CCBE1: variants seen among roughly 807,000 people sequenced by gnomAD.
The protein encoded by CCBE1 is collagen and calcium binding EGF domains 1.
In CCBE1, 37 loss-of-function variants were observed where a neutral mutation model predicts 50.0. That is an observed-to-expected ratio of 0.74 (90% CI 0.57 to 0.97). CCBE1 has a LOEUF of 0.97. CCBE1 is among the 50% of genes least tolerant of loss of function. The probability of loss-of-function intolerance (pLI) is 0.00; values close to 1 mark genes in which losing one functional copy is unlikely to be tolerated. For synonymous variants in CCBE1, 234 were observed against 203.7 expected, an observed-to-expected ratio of 1.15 and a Z score of -1.27; for missense variants, 538 against 523.8, an observed-to-expected ratio of 1.03 and a Z score of -0.26.
chr18:59,450,486 C>G (rs951088398), intron 6 of CCBE1, among the ~76,000 whole-genome samples: 1 of 152,120 alleles, frequency 6.6e-6, no homozygotes, highest in African/African-American at 2.4e-5. Flanking sequence ...CAGTCTGCTT[C>G]CAGAATCTGT....
intron 2 of CCBE1, among the ~76,000 whole-genome samples, chr18:59,689,164 C>T (rs1052045121): frequency 3.3e-5 from 5 of 152,214 alleles, no homozygotes; most frequent in Admixed American, 6.5e-5. Context: ...TAGACGCTAC[C>T]TGTTGAGAGC....
At chr18:59,563,068 C>A (rs747983416) in intron 2 of CCBE1, among the ~76,000 whole-genome samples, 1 of 152,180 alleles carries the variant, frequency 6.6e-6, no homozygotes, top group Non-Finnish European at 1.5e-5. Flanking sequence ...CACGATTAGA[C>A]TAGGACGACA....
At position 59,508,711 on chromosome 18, in the gene CCBE1, CTTTTTTTTTTTT is replaced by C. The variant is rs55881131; in HGVS notation, c.213-28485_213-28474del. ...AGCACAGTACACACATAGAGTTACG[CTTTTTTTTTTTT>C]TTTTTTTTTTGAGGCAGGGTCTTAC... On this transcript the variant is annotated intron_variant, in intron 2 of 10. Transcript: ENST00000439986. Among the ~76,000 whole-genome samples, 73 of 95,694 alleles carry C rather than the reference CTTTTTTTTTTTT, an allele frequency of 7.6e-4. 1 individual carries two copies. In the South Asian group the frequency reaches 0.017, roughly 22 times the overall value. The allele number at this position is 95,694 out of a possible 152,430, so 62.8% of individuals were successfully genotyped here. A position where few individuals can be genotyped will look rare whatever the true frequency, so the allele number is the denominator to read the frequency against.
At chr18:59,695,729 A>T (rs951998171) in intron 2 of CCBE1, among the ~76,000 whole-genome samples, 18 of 152,320 alleles carry the variant, frequency 1.2e-4, no homozygotes, top group African/African-American at 4.3e-4. Flanking sequence ...GTTACCTTGT[A>T]CTACTCAGTA....
intron 2 of CCBE1, among the ~76,000 whole-genome samples, chr18:59,674,569 G>A (rs1345467760): frequency 1.3e-5 from 2 of 152,128 alleles, no homozygotes; most frequent in Admixed American, 1.3e-4. Flanking sequence ...ATATACCTAT[G>A]TAACAAACCT....
In CCBE1 at chr18:59,435,889, G is replaced by T. The variant is rs376780422; in HGVS notation, c.*19C>A. ...GAGTTGATCTTTCTCTTCCTTTGGC[G>T]TGACGGTGTTGGGATGTGCTATGGG... On this transcript the variant is annotated 3_prime_UTR_variant, in exon 11 of 11. Transcript: ENST00000439986. The T allele has an allele frequency of 1.3e-6, 2 of 1,598,598 alleles. No individual in the cohort carries two copies. The highest frequency in any genetic ancestry group is 1.7e-6 in the Non-Finnish European group (2 of 1,165,850).
intron 2 of CCBE1, among the ~76,000 whole-genome samples, chr18:59,638,655 T>G (rs1280587638): frequency 1.3e-5 from 2 of 152,206 alleles, no homozygotes; most frequent in Middle Eastern, 3.2e-3. Context: ...GTTGATATAC[T>G]TGCTCTTAGA....
chr18:59,499,906 G>A (rs1372375972), intron 2 of CCBE1, among the ~76,000 whole-genome samples: 1 of 152,166 alleles, frequency 6.6e-6, no homozygotes, highest in Non-Finnish European at 1.5e-5. Context: ...GCCAGCTGTG[G>A]TAGAAGCTTC....
In CCBE1 at chr18:59,553,710, A is replaced by G. The variant is rs555298489; in HGVS notation, c.213-73472T>C. 7.2e-5 allele frequency among the ~76,000 whole-genome samples: 11 copies of G among 152,320 alleles called. No homozygotes were observed. The South Asian group carries it at 2.3e-3, about 32-fold the overall frequency. Reference sequence around the variant, plus strand: ...GCAGCCTTCTGCTACTGAGCCAAAAACTGACAAGTGGTACTGAAATGTCAC... The same window carrying G: ...GCAGCCTTCTGCTACTGAGCCAAAAGCTGACAAGTGGTACTGAAATGTCAC... On this transcript the variant is annotated intron_variant, in intron 2 of 10. Coordinates refer to ENST00000439986, the MANE Select transcript of CCBE1 (RefSeq NM_133459.4).
chr18:59,568,168 C>G (rs899356460), intron 2 of CCBE1: 3 of 118,028 alleles, frequency 2.5e-5, no homozygotes, highest in African/African-American at 7.7e-5. Flanking sequence ...AAATAAGAGG[C>G]CTATTTTTTT....
Position 59,439,494 on chromosome 18 carries a change from A to G in CCBE1, c.951+49T>C, listed in dbSNP as rs1910313934. On this transcript the variant is annotated intron_variant, in intron 9 of 10. Coordinates refer to ENST00000439986, the MANE Select transcript of CCBE1 (RefSeq NM_133459.4). ...AACAAAAACAAAACAAAACAAAAAA[A>G]TCGAAAGTGAGAGACCTTTAGCTTG... The G allele has an allele frequency of 1.9e-6, 3 of 1,611,100 alleles. No individual in the cohort carries two copies. The African/African-American group carries it at 4.0e-5, about 22-fold the overall frequency.
chr18:59,536,990 C>CAAAAAA (rs34336757), intron 2 of CCBE1, among the ~76,000 whole-genome samples: 3 of 91,828 alleles, frequency 3.3e-5, no homozygotes, highest in Non-Finnish European at 7.0e-5. Context: ...GACTCTGTCT[C>CAAAAAA]AAAAAAAAAA....
intron 2 of CCBE1, among the ~76,000 whole-genome samples, chr18:59,543,847 A>AAAAAAAAAAAAAAG (rs1915576051): frequency 1.3e-4 from 10 of 78,536 alleles, no homozygotes; most frequent in East Asian, 9.6e-4. Context: ...AAAAAAAAAA[A>AAAAAAAAAAAAAAG]AAAAAAAAAA....
rs1436014494 is a variant in CCBE1, at chr18:59,642,620, G to C, written c.212+54009C>G. ...GCATGCAATGGAATACTGGGCTGCA[G>C]TGAAAATAGTCAACTGCATCAAAGG... On this transcript the variant is annotated intron_variant, in intron 2 of 10. Coordinates refer to ENST00000439986, the MANE Select transcript of CCBE1 (RefSeq NM_133459.4). Among the ~76,000 whole-genome samples, 3 of 152,206 alleles carry C rather than the reference G, an allele frequency of 2.0e-5. No homozygotes were observed. The East Asian group carries it at 5.8e-4, about 29-fold the overall frequency.
rs552294166 is a variant in CCBE1, at chr18:59,671,823, G to C, written c.212+24806C>G. On this transcript the variant is annotated intron_variant, in intron 2 of 10. Coordinates refer to ENST00000439986, the MANE Select transcript of CCBE1 (RefSeq NM_133459.4). ...GATGGTGGGAAGGTTAAAAAAAAAG[G>C]GGGGGGGTAGTCAGTATTTACTCCT... Among the ~76,000 whole-genome samples, 14 of 146,782 alleles carry C rather than the reference G, an allele frequency of 9.5e-5. No homozygotes were observed. In the East Asian group the frequency reaches 1.4e-3, roughly 14 times the overall value.
chr18:59,473,384 TC>T (rs1912130604), intron 3 of CCBE1, among the ~76,000 whole-genome samples: 1 of 152,126 alleles, frequency 6.6e-6, no homozygotes, highest in African/African-American at 2.4e-5. Context: ...TCTTTTTTCC[TC>T]CCTAAAAATT....
rs138600880 is a variant in CCBE1, at chr18:59,593,081, T to C, written c.212+103548A>G. Among the ~76,000 whole-genome samples the C allele has an allele frequency of 2.1e-3, 315 of 152,328 alleles. 4 individuals are homozygous for C. The East Asian group carries it at 0.032, about 15-fold the overall frequency. On this transcript the variant is annotated intron_variant, in intron 2 of 10. Transcript: ENST00000439986. ...TTGGGAGATATGGAAGGGTTTGTGC[T>C]TTAGGACATGGAGGGACATCTAAGG...
chr18:59,626,403 ATT>A (rs1347385020), intron 2 of CCBE1, among the ~76,000 whole-genome samples: 2 of 152,138 alleles, frequency 1.3e-5, no homozygotes, highest in African/African-American at 4.8e-5. Context: ...ACATGGGGGT[ATT>A]TTCAGGGGCA....
intron 2 of CCBE1, among the ~76,000 whole-genome samples, chr18:59,661,454 C>A (rs986167421): frequency 6.6e-6 from 1 of 152,126 alleles, no homozygotes; most frequent in Admixed American, 6.6e-5. Flanking sequence ...ATTCTTGGAA[C>A]TTTAACTTCC....
Sources: allele counts gnomAD v4.1 joint callset (sites outside exome capture counted in the v4.1 genomes callset), GRCh38; gene constraint gnomAD v4.1.1; transcripts MANE v1.5; gene names NCBI Gene and HGNC (gene_info 2026-07-23, HGNC 2026-07-21).